Variants in PICALM observed in about 807,000 individuals in gnomAD.
PICALM encodes the protein phosphatidylinositol binding clathrin assembly protein.
In PICALM, 40 loss-of-function variants were observed where a neutral mutation model predicts 80.5. That is an observed-to-expected ratio of 0.50 (90% CI 0.39 to 0.65). PICALM has a LOEUF of 0.65. Among genes scored for constraint, PICALM ranks in the 30% least tolerant of loss-of-function variants. The probability of loss-of-function intolerance (pLI) is 0.00; values close to 1 mark genes in which losing one functional copy is unlikely to be tolerated. For missense variants in PICALM, 676 were observed against 778.9 expected (o/e 0.87, Z 1.57); for synonymous variants, 288 against 260.3 (o/e 1.11, Z -1.02).
At position 85,997,088 on chromosome 11, in the gene PICALM, A is replaced by G. The variant is rs574107102; in HGVS notation, c.1155-159T>C. On this transcript the variant is annotated intron_variant, in intron 11 of 19. Transcript: ENST00000393346. Reference sequence around the variant, plus strand: ...AGGAACAGTTTCTTCATATGACAGCATATTTCTAAGGAGGCTTGGAAAAAT... The same window carrying G: ...AGGAACAGTTTCTTCATATGACAGCGTATTTCTAAGGAGGCTTGGAAAAAT... Among the ~76,000 whole-genome samples the G allele has an allele frequency of 1.5e-4, 23 of 152,348 alleles. 2 individuals carry two copies. The highest frequency in any genetic ancestry group is 1.2e-3 in the Admixed American group (18 of 15,308).
chr11:85,973,374 G>T (rs986068694), intron 19 of PICALM, among the ~76,000 whole-genome samples: 1 of 152,154 alleles, frequency 6.6e-6, no homozygotes, highest in Non-Finnish European at 1.5e-5. Flanking sequence ...AAAGTGAACC[G>T]TGGTCTGAAA....
At chr11:85,989,387 T>C (rs1396740944) in intron 13 of PICALM, among the ~76,000 whole-genome samples, 1 of 152,214 alleles carries the variant, frequency 6.6e-6, no homozygotes, top group Non-Finnish European at 1.5e-5. Flanking sequence ...ATTTAGAATG[T>C]GGTCACATGA....
Position 86,014,515 on chromosome 11 carries a change from T to C in PICALM, c.546+355A>G, listed in dbSNP as rs1471159246. Among the ~76,000 whole-genome samples the C allele has an allele frequency of 2.0e-5, 3 of 152,324 alleles. No homozygotes were observed. The East Asian group carries it at 5.8e-4, about 29-fold the overall frequency. On this transcript the variant is annotated intron_variant, in intron 5 of 19. Transcript: ENST00000393346. ...AATAATTGCCATGCTTTGAGTCCCATTAAATAGACAAAAGTAAAATATTAA... is the reference window on the plus strand; with the variant it reads ...AATAATTGCCATGCTTTGAGTCCCACTAAATAGACAAAAGTAAAATATTAA...
intron 5 of PICALM, among the ~76,000 whole-genome samples, chr11:86,013,870 A>T (rs972187059): frequency 6.6e-6 from 1 of 152,200 alleles, no homozygotes; most frequent in East Asian, 1.9e-4. Context: ...GTTGTAACAT[A>T]AAACAGCCAT....
intron 1 of PICALM, among the ~76,000 whole-genome samples, chr11:86,033,567 T>G (rs979491315): frequency 6.6e-6 from 1 of 152,220 alleles, no homozygotes; most frequent in Admixed American, 6.5e-5. Flanking sequence ...CCTGAATATT[T>G]ACGCAAAATA....
At position 85,982,573 on chromosome 11, in the gene PICALM, G is replaced by A. The variant is rs1383691556; in HGVS notation, c.1517-570C>T. ...CTCCCGAGTAGCTGGGACTACAGGC[G>A]CCCGCCACCGCGCCCAGCTAATTTT... On this transcript the variant is annotated intron_variant, in intron 14 of 19. Transcript: ENST00000393346. Among the ~76,000 whole-genome samples the A allele has an allele frequency of 2.7e-5, 4 of 146,740 alleles. No homozygotes were observed. In the East Asian group the frequency reaches 5.9e-4, roughly 22 times the overall value.
At position 85,981,149 on chromosome 11, in the gene PICALM, C is replaced by A. The variant is rs752421488; in HGVS notation, c.1759G>T (p.Ala587Ser). ...NWQPKVAPTT[A>S]WNAATMAPPV... is the part of the protein sequence containing the mutation. ...CTCACCATTGTTGCAGCATTCCAAG[C>A]GGTTGTTGGTGCAACCTTTGGTTGC... Residue 587 changes from alanine to serine, a missense_variant, in exon 17 of 20, where the codon GCT becomes TCT. By Grantham distance (99) the Ala-to-Ser change is moderately conservative (BLOSUM62 1). Transcript: ENST00000393346. 3 of 1,591,462 alleles carry A rather than the reference C, an allele frequency of 1.9e-6. No individual in the cohort carries two copies. Among genetic ancestry groups the A allele is most frequent in the South Asian group, 2.2e-5 (2 of 90,524 alleles).
chr11:86,004,881 G>A (rs1287903674), intron 8 of PICALM, among the ~76,000 whole-genome samples: 1 of 152,118 alleles, frequency 6.6e-6, no homozygotes, highest in Non-Finnish European at 1.5e-5. Context: ...CTTCTTTGTT[G>A]AACTGAGAGT....
Position 85,983,860 on chromosome 11 carries a change from C to T in PICALM, c.1516+6G>A. On this transcript the variant is annotated splice_donor_region_variant and intron_variant, in intron 14 of 19. Transcript: ENST00000393346. ...TAATATTTTTAATAAAATTTTTTTTCCTTACCCCCAGAATCTACAATAACA... is the reference window on the plus strand; with the variant it reads ...TAATATTTTTAATAAAATTTTTTTTTCTTACCCCCAGAATCTACAATAACA... 7.8e-7 allele frequency: 1 copy of T among 1,287,110 alleles called. No individual in the cohort carries two copies. Among genetic ancestry groups the T allele is most frequent in the Non-Finnish European group, 1.1e-6 (1 of 907,378 alleles). 79.7% of individuals were successfully genotyped at this position (1,287,110 alleles called of 1,614,324 possible).
At chr11:85,960,863 A>T in intron 19 of PICALM, 1 of 530,372 alleles carries the variant, frequency 1.9e-6, no homozygotes, top group South Asian at 2.2e-5. Flanking sequence ...TGAAAGAAGA[A>T]GTGGTTTTGG....
At chr11:86,032,877 C>T (rs2095782765) in intron 1 of PICALM, among the ~76,000 whole-genome samples, 1 of 152,168 alleles carries the variant, frequency 6.6e-6, no homozygotes, top group Non-Finnish European at 1.5e-5. Context: ...TAACTACCAA[C>T]ATTTACTTAA....
intron 5 of PICALM, among the ~76,000 whole-genome samples, chr11:86,013,496 C>T (rs2136314911): frequency 6.6e-6 from 1 of 152,038 alleles, no homozygotes; most frequent in Non-Finnish European, 1.5e-5. Context: ...AACACACACA[C>T]ACACAGAGGG....
In PICALM at chr11:85,959,342, CAA is replaced by C. The variant is rs68172244; in HGVS notation, c.1945-284_1945-283del. On this transcript the variant is annotated intron_variant, in intron 19 of 19. Coordinates refer to ENST00000393346, the MANE Select transcript of PICALM (RefSeq NM_007166.4). ...GGATTGCAGTGGCATGATCAAAGCT[CAA>C]TGGCTGGGCACCATAGCTCACACCT... 0.7 allele frequency among the ~76,000 whole-genome samples: 106,355 copies of C among 151,628 alleles called. 37,649 individuals are homozygous for C. The highest frequency in any genetic ancestry group is 0.81 in the African/African-American group (33,699 of 41,360).
intron 19 of PICALM, among the ~76,000 whole-genome samples, chr11:85,962,982 CA>C (rs1272446122): frequency 5.3e-5 from 8 of 152,182 alleles, no homozygotes; most frequent in Admixed American, 1.3e-4. Context: ...TTCAGTAGCC[CA>C]ATTACTGCTC....
rs367839126 is a variant in PICALM, at chr11:86,068,757, G to A, written c.24C>T (p.Asp8=). The A allele has an allele frequency of 1.2e-5, 19 of 1,611,112 alleles. 1 individual carries two copies. Among genetic ancestry groups the A allele is most frequent in the Non-Finnish European group, 1.6e-5 (19 of 1,179,552 alleles). Reference sequence around the variant, plus strand: ...CACTGTGCTGGGCGGCAGTGATTCGGTCCGTCAGGCTCTGGCCGGACATCT... The same window carrying A: ...CACTGTGCTGGGCGGCAGTGATTCGATCCGTCAGGCTCTGGCCGGACATCT... MSGQSLT[D]RITAAQHSVT... is the part of the protein sequence containing the mutation. Residue 8 remains aspartate (D), a synonymous_variant, in exon 1 of 20, where the codon GAC becomes GAT. Transcript: ENST00000393346.
intron 3 of PICALM, 89 bp from the exon 4 acceptor site, chr11:86,022,558 T>A (rs1350234944): frequency 3.1e-6 from 2 of 642,726 alleles, no homozygotes; most frequent in Admixed American, 3.0e-5. Context: ...GAAAAACAAC[T>A]CATTGCATCC....
At chr11:86,058,922 T>C (rs1012158185) in intron 1 of PICALM, among the ~76,000 whole-genome samples, 3 of 152,230 alleles carry the variant, frequency 2.0e-5, no homozygotes, top group African/African-American at 7.2e-5. Flanking sequence ...CAAGAATATG[T>C]CCTCAAAAAT....
At chr11:86,032,664 A>G (rs1309443158) in intron 1 of PICALM, among the ~76,000 whole-genome samples, 1 of 152,186 alleles carries the variant, frequency 6.6e-6, no homozygotes, top group Non-Finnish European at 1.5e-5. Context: ...ATTTAGAGAT[A>G]TAACAGAGGA....
chr11:85,966,986 C>T (rs2093923565), intron 19 of PICALM, among the ~76,000 whole-genome samples: 1 of 152,122 alleles, frequency 6.6e-6, no homozygotes, highest in Non-Finnish European at 1.5e-5. Flanking sequence ...TTTTTAAGAG[C>T]TTAAAAACTT....
Sources: gnomAD v4.1 joint callset for allele counts (sites outside exome capture counted in the v4.1 genomes callset) on GRCh38, gnomAD v4.1.1 for gene constraint, MANE v1.5 for transcripts, NCBI Gene and HGNC (gene_info 2026-07-23, HGNC 2026-07-21) for gene names.